CACNB4: variants seen among roughly 807,000 people sequenced by gnomAD.
The protein encoded by CACNB4 is calcium voltage-gated channel auxiliary subunit beta 4, also known as voltage-dependent L-type calcium channel subunit beta-4.
Under a neutral mutation model 71.2 loss-of-function variants are expected in CACNB4, and 32 were observed. That is an observed-to-expected ratio of 0.45 (90% CI 0.34 to 0.60). The LOEUF (loss-of-function observed/expected upper bound fraction) is 0.60, where lower values mean the gene tolerates loss of function less well. Ranked by LOEUF, CACNB4 falls within the 20% of genes least tolerant of loss-of-function variation. The probability of loss-of-function intolerance (pLI) is 0.01; values close to 1 mark genes in which losing one functional copy is unlikely to be tolerated. For synonymous variants in CACNB4, 231 were observed against 236.9 expected (o/e 0.97, Z 0.23); for missense variants, 464 against 647.9 (o/e 0.72, Z 3.08).
At chr2:151,889,901 C>T (rs1425885524) in intron 2 of CACNB4, among the ~76,000 whole-genome samples, 7 of 152,196 alleles carry the variant, frequency 4.6e-5, no homozygotes. Flanking sequence ...TCACTCCCAT[C>T]AGAATCTCTC....
chr2:151,874,558 A>G (rs552821707), intron 5 of CACNB4, among the ~76,000 whole-genome samples: 1 of 152,296 alleles, frequency 6.6e-6, no homozygotes, highest in South Asian at 2.1e-4. Context: ...TTATATGCTA[A>G]AAAAGATTGG....
chr2:152,017,857 G>C (rs975150050), intron 2 of CACNB4, among the ~76,000 whole-genome samples: 4 of 149,704 alleles, frequency 2.7e-5, no homozygotes, highest in Admixed American at 2.0e-4. Flanking sequence ...TTTTTTTATG[G>C]AATTTCGCTC....
At chr2:151,871,090 G>T in intron 6 of CACNB4, 1 of 552,808 alleles carries the variant, frequency 1.8e-6, no homozygotes. Flanking sequence ...CTTATATCCT[G>T]ATTTCTCACT....
chr2:151,842,922 CAT>C (rs763573010), intron 12 of CACNB4, among the ~76,000 whole-genome samples: 4 of 152,136 alleles, frequency 2.6e-5, no homozygotes, highest in Non-Finnish European at 5.9e-5. Context: ...GTGAAAATAA[CAT>C]TATCTGTTTT....
chr2:151,991,969 G>A (rs1681729643), intron 2 of CACNB4, among the ~76,000 whole-genome samples: 1 of 152,198 alleles, frequency 6.6e-6, no homozygotes, highest in South Asian at 2.1e-4. Context: ...ATTGCAGAGA[G>A]GTAACTGGGA....
chr2:151,935,458 A>G (rs1053267343), intron 2 of CACNB4, among the ~76,000 whole-genome samples: 22 of 152,348 alleles, frequency 1.4e-4, no homozygotes, highest in Admixed American at 1.3e-3. Flanking sequence ...GTTGTCTCTG[A>G]ATATGTGAAA....
At chr2:152,049,159 CTTTT>C (rs1325808621) in intron 2 of CACNB4, among the ~76,000 whole-genome samples, 223 of 145,806 alleles carry the variant, frequency 1.5e-3, no homozygotes, top group African/African-American at 5.5e-3. Context: ...TGCATTCTCT[CTTTT>C]TTTTTTTTAA....
intron 2 of CACNB4, among the ~76,000 whole-genome samples, chr2:152,033,899 A>C (rs1388260172): frequency 6.6e-6 from 1 of 152,218 alleles, no homozygotes. Flanking sequence ...GGTAACAGAC[A>C]TTTCCCTTCC....
chr2:152,062,318 G>T (rs894505160), intron 2 of CACNB4, among the ~76,000 whole-genome samples: 6 of 152,100 alleles, frequency 3.9e-5, no homozygotes, highest in Admixed American at 6.6e-5. Flanking sequence ...CTCAGCCAGA[G>T]GCCAGTCCAG....
chr2:151,970,768 C>A (rs1435030033), intron 2 of CACNB4: 1 of 152,228 alleles, frequency 6.6e-6, no homozygotes, highest in Non-Finnish European at 1.5e-5. Flanking sequence ...TCATCTATGT[C>A]AAGGTAATAC....
chr2:151,921,212 G>A (rs1190614963), intron 2 of CACNB4, among the ~76,000 whole-genome samples: 1 of 151,314 alleles, frequency 6.6e-6, no homozygotes, highest in Non-Finnish European at 1.5e-5. Context: ...TACTTGATTG[G>A]TTTAGGAATT....
At chr2:151,879,345 G>T (rs542912456) in intron 4 of CACNB4, among the ~76,000 whole-genome samples, 1 of 152,124 alleles carries the variant, frequency 6.6e-6, no homozygotes, top group Non-Finnish European at 1.5e-5. Flanking sequence ...TGAATTTTTT[G>T]AGTTACTAGG....
At chr2:152,088,523 G>A (rs1467970014) in intron 2 of CACNB4, among the ~76,000 whole-genome samples, 2 of 152,174 alleles carry the variant, frequency 1.3e-5, no homozygotes, top group African/African-American at 4.8e-5. Flanking sequence ...TCAAGTTTAT[G>A]TTTACAAAAT....
At chr2:151,911,972 T>C (rs1578758197) in intron 2 of CACNB4, among the ~76,000 whole-genome samples, 1 of 152,354 alleles carries the variant, frequency 6.6e-6, no homozygotes, top group East Asian at 1.9e-4. Flanking sequence ...GTGTTTTTAG[T>C]ATTCTCTGAT....
intron 2 of CACNB4, among the ~76,000 whole-genome samples, chr2:151,927,710 C>CAGG (rs1371242765): frequency 6.6e-6 from 1 of 152,194 alleles, no homozygotes; most frequent in Non-Finnish European, 1.5e-5. Flanking sequence ...AAGTCTTATC[C>CAGG]AGCTGCAGCA....
At chr2:151,922,184 T>C (rs550486894) in intron 2 of CACNB4, among the ~76,000 whole-genome samples, 212 of 152,314 alleles carry the variant, frequency 1.4e-3, no homozygotes, top group South Asian at 2.7e-3. Context: ...CAAGGTCAAC[T>C]GATAAGTAAA....
intron 2 of CACNB4, among the ~76,000 whole-genome samples, chr2:152,011,863 T>A (rs1683074026): frequency 1.3e-5 from 2 of 152,180 alleles, no homozygotes; most frequent in South Asian, 4.1e-4. Flanking sequence ...GGCTGAAGAA[T>A]TCCTATCACC....
At chr2:151,984,103 C>T (rs771387140) in intron 2 of CACNB4, among the ~76,000 whole-genome samples, 18 of 152,178 alleles carry the variant, frequency 1.2e-4, no homozygotes, top group African/African-American at 2.9e-4. Context: ...AGAGCTCTAT[C>T]GAATCATAAT....
chr2:151,960,955 G>A (rs2099869502), intron 2 of CACNB4, among the ~76,000 whole-genome samples: 1 of 152,154 alleles, frequency 6.6e-6, no homozygotes, highest in Non-Finnish European at 1.5e-5. Context: ...CATAAAACCA[G>A]TAGCCAAAGT....
Sources: gnomAD v4.1 joint callset for allele counts (sites outside exome capture counted in the v4.1 genomes callset) on GRCh38, gnomAD v4.1.1 for gene constraint, MANE v1.5 for transcripts, NCBI Gene and HGNC (gene_info 2026-07-23, HGNC 2026-07-21) for gene names.